LAMA2: variants seen among roughly 807,000 people sequenced by gnomAD.
LAMA2 encodes laminin subunit alpha 2.
In LAMA2, 269 loss-of-function variants were observed where a neutral mutation model predicts 364.8. The observed-to-expected ratio is 0.74, with a 90% CI of 0.67 to 0.82. The LOEUF is 0.82. Ranked by LOEUF, LAMA2 falls within the 40% of genes least tolerant of loss-of-function variation. The pLI is 0.00. For synonymous variants in LAMA2, 1,379 were observed against 1,370.6 expected (o/e 1.01, Z -0.14); for missense variants, 3,807 against 3,873.2 (o/e 0.98, Z 0.45).
intron 46 of LAMA2, 56 bp from the exon 47 acceptor site, chr6:129,454,099 C>T (rs183940744): frequency 1.1e-5 from 17 of 1,510,688 alleles, no homozygotes; most frequent in East Asian, 2.3e-5. Flanking sequence ...TGCTGGTCTC[C>T]TCTTTAAAGG....
At chr6:128,909,678 G>C (rs1401497568) in intron 1 of LAMA2, among the ~76,000 whole-genome samples, 1 of 145,182 alleles carries the variant, frequency 6.9e-6, no homozygotes, top group Non-Finnish European at 1.5e-5. Context: ...ATCCTGTCAT[G>C]ATGATGTTAG....
At chr6:128,900,312 T>A (rs879942035) in intron 1 of LAMA2, among the ~76,000 whole-genome samples, 1 of 152,120 alleles carries the variant, frequency 6.6e-6, no homozygotes, top group Non-Finnish European at 1.5e-5. Context: ...TGAGTGAATT[T>A]GAGAGAAAGG....
At chr6:129,250,080 C>T (rs111559447) in intron 12 of LAMA2, 32 bp from the exon 13 acceptor site, 12 of 1,252,018 alleles carry the variant, frequency 9.6e-6, no homozygotes, top group Admixed American at 1.7e-5. Flanking sequence ...CATCTCCTAT[C>T]CCGTAATGAT....
At position 129,465,231 on chromosome 6, in the gene LAMA2, T is replaced by C. The variant is rs1562589380; in HGVS notation, c.7242T>C (p.Asn2414=). Residue 2414 remains asparagine (N), a synonymous_variant, in exon 51 of 65, where the codon AAT becomes AAC. Transcript: ENST00000421865. ...CAGGAATGGCTTCCGTTGTCAGCAA[T>C]CAAAACCATAATGATGGGAAATGGA... ...LGSGMASVVS[N]QNHNDGKWKS... The C allele has an allele frequency of 3.1e-6, 5 of 1,611,668 alleles. No individual in the cohort carries two copies. Among genetic ancestry groups the C allele is most frequent in the Middle Eastern group, 1.7e-4 (1 of 6,046 alleles).
At chr6:129,049,592 G>A (rs9492213) in intron 1 of LAMA2, among the ~76,000 whole-genome samples, 7,148 of 151,676 alleles carry the variant, frequency 0.047, 569 homozygotes, top group African/African-American at 0.17. Context: ...AGATTTAGTG[G>A]GATCTTTTAC....
At chr6:129,192,882 T>C (rs1562316851) in intron 12 of LAMA2, 29 bp downstream of exon 12, 1 of 1,605,560 alleles carries the variant, frequency 6.2e-7, no homozygotes, top group South Asian at 1.1e-5. Context: ...CCCGCTATTC[T>C]GCTTTAACTG....
chr6:129,481,969 G>C (rs2114840742), intron 55 of LAMA2, among the ~76,000 whole-genome samples: 1 of 152,090 alleles, frequency 6.6e-6, no homozygotes, highest in African/African-American at 2.4e-5. Flanking sequence ...ACACAGACAG[G>C]GACAATTTTA....
chr6:129,258,032 A>G (rs1786828526), intron 14 of LAMA2, among the ~76,000 whole-genome samples: 1 of 152,010 alleles, frequency 6.6e-6, no homozygotes, highest in Non-Finnish European at 1.5e-5. Flanking sequence ...CCGTCCACCC[A>G]TCCATCCATC....
intron 1 of LAMA2, among the ~76,000 whole-genome samples, chr6:128,969,685 C>T (rs1782069734): frequency 6.6e-6 from 1 of 152,114 alleles, no homozygotes; most frequent in African/African-American, 2.4e-5. Flanking sequence ...CCCACCTAGA[C>T]CTCCCAAAGT....
At chr6:129,235,422 A>G (rs1366758916) in intron 12 of LAMA2, among the ~76,000 whole-genome samples, 1 of 152,210 alleles carries the variant, frequency 6.6e-6, no homozygotes, top group Admixed American at 6.5e-5. Context: ...CCCTACAAGA[A>G]GTATACAATT....
intron 30 of LAMA2, among the ~76,000 whole-genome samples, chr6:129,349,082 T>G (rs1289190690): frequency 2.0e-5 from 3 of 152,186 alleles, no homozygotes; most frequent in African/African-American, 7.2e-5. Context: ...GCATTTTTAA[T>G]CCATCATAAA....
intron 1 of LAMA2, among the ~76,000 whole-genome samples, chr6:128,955,558 T>C (rs1350970213): frequency 6.6e-6 from 1 of 151,948 alleles, no homozygotes; most frequent in East Asian, 1.9e-4. Context: ...AAAAATAGAA[T>C]AAAATGTCAT....
chr6:129,094,881 A>C (rs570941803), intron 3 of LAMA2, among the ~76,000 whole-genome samples: 3 of 152,198 alleles, frequency 2.0e-5, no homozygotes, highest in African/African-American at 4.8e-5. Flanking sequence ...TTCTCAGCTC[A>C]CAGAGACCTA....
intron 1 of LAMA2, among the ~76,000 whole-genome samples, chr6:128,931,494 C>A (rs1334302380): frequency 6.6e-6 from 1 of 152,066 alleles, no homozygotes; most frequent in East Asian, 1.9e-4. Context: ...CTTCAGAAAT[C>A]ACAACGAGGC....
At chr6:128,922,348 T>C (rs1395651465) in intron 1 of LAMA2, among the ~76,000 whole-genome samples, 1 of 151,678 alleles carries the variant, frequency 6.6e-6, no homozygotes, top group South Asian at 2.1e-4. Flanking sequence ...TTCCTATTTC[T>C]CCACATCCTC....
intron 34 of LAMA2, among the ~76,000 whole-genome samples, chr6:129,380,095 G>T (rs778457227): frequency 6.6e-6 from 1 of 152,172 alleles, no homozygotes; most frequent in African/African-American, 2.4e-5. Flanking sequence ...CATTAGAGTT[G>T]TGAATAGTGG....
Position 129,150,130 on chromosome 6 carries a change from A to C in LAMA2, c.1027+1034A>C, listed in dbSNP as rs572206962. Reference sequence around the variant, plus strand: ...TTTATAAAGATATTATGGATTAGAAATCTCCCATTATTACAAAAGCATATC... The same window carrying C: ...TTTATAAAGATATTATGGATTAGAACTCTCCCATTATTACAAAAGCATATC... On this transcript the variant is annotated intron_variant, in intron 7 of 64. Transcript: ENST00000421865. 1.3e-4 allele frequency among the ~76,000 whole-genome samples: 20 copies of C among 152,200 alleles called. No homozygotes were observed. In the South Asian group the frequency reaches 3.5e-3, roughly 27 times the overall value.
At chr6:129,504,970 C>G (rs1393274886) in intron 60 of LAMA2, among the ~76,000 whole-genome samples, 1 of 152,180 alleles carries the variant, frequency 6.6e-6, no homozygotes, top group Non-Finnish European at 1.5e-5. Context: ...AAAACTGACC[C>G]AGGAAAATTT....
In LAMA2 at chr6:129,402,315, A is replaced by G. The variant is rs752994565; in HGVS notation, c.5563-9A>G. 1.2e-6 allele frequency: 2 copies of G among 1,611,990 alleles called. No homozygotes were observed. The highest frequency in any genetic ancestry group is 1.1e-5 in the South Asian group (1 of 91,022). On this transcript the variant is annotated splice_polypyrimidine_tract_variant and intron_variant, in intron 38 of 64. Coordinates refer to ENST00000421865, the MANE Select transcript of LAMA2 (RefSeq NM_000426.4). ...ACTTGCTTAAAATGCCCTCTTCTCT[A>G]CATATCAGTATGTTGAAGACATCCA...
Sources: gnomAD v4.1 joint callset for allele counts (sites outside exome capture counted in the v4.1 genomes callset) on GRCh38, gnomAD v4.1.1 for gene constraint, MANE v1.5 for transcripts, NCBI Gene and HGNC (gene_info 2026-07-23, HGNC 2026-07-21) for gene names.